ITPK1: variants seen among roughly 807,000 people sequenced by gnomAD.
ITPK1 encodes inositol 1,3,4-trisphosphate 5/6-kinase.
In ITPK1, 21 loss-of-function variants were observed where a neutral mutation model predicts 45.3. That is an observed-to-expected ratio of 0.46 (90% CI 0.33 to 0.67). The LOEUF (loss-of-function observed/expected upper bound fraction) is 0.67, where lower values mean the gene tolerates loss of function less well. Ranked by LOEUF, ITPK1 falls within the 30% of genes least tolerant of loss-of-function variation. The probability of loss-of-function intolerance (pLI) is 0.02; values close to 1 mark genes in which losing one functional copy is unlikely to be tolerated. For missense variants in ITPK1, 474 were observed against 573.5 expected (o/e 0.83, Z 1.77); for synonymous variants, 258 against 253.6 (o/e 1.02, Z -0.16).
chr14:93,009,482 C>A (rs562228517), intron 4 of ITPK1, among the ~76,000 whole-genome samples: 6 of 152,286 alleles, frequency 3.9e-5, no homozygotes, highest in African/African-American at 1.4e-4. Context: ...TCCTGGGGAC[C>A]AGGCTTGCTT....
In ITPK1 at chr14:93,012,287, A is replaced by C. The variant is rs934339426; in HGVS notation, c.246+4389T>G. 1.3e-5 allele frequency among the ~76,000 whole-genome samples: 2 copies of C among 152,240 alleles called. No homozygotes were observed. The highest frequency in any genetic ancestry group is 2.9e-5 in the Non-Finnish European group (2 of 68,040). On this transcript the variant is annotated intron_variant, in intron 4 of 10. Coordinates refer to ENST00000267615, the MANE Select transcript of ITPK1 (RefSeq NM_014216.6). This position sits in a 1 kb window ranked among gnomAD's most constrained non-coding sequence, Gnocchi z 4.9. The stretch of plus-strand genomic sequence containing the variant: ...ACGAACTTCCGAAGGGCATGAAGGA[A>C]AAGTGCAAAGTTGGCAGGGCCTGGG...
intron 8 of ITPK1, among the ~76,000 whole-genome samples, chr14:92,953,667 G>C (rs887164196): frequency 6.6e-6 from 1 of 152,218 alleles, no homozygotes; most frequent in Non-Finnish European, 1.5e-5. Context: ...ACCAAGCGCA[G>C]GTAGACACAG....
intron 10 of ITPK1, 56 bp downstream of exon 10, chr14:92,946,274 TC>T: frequency 6.3e-7 from 1 of 1,588,048 alleles, no homozygotes; most frequent in Admixed American, 1.7e-5. Context: ...ACCTGCCTGG[TC>T]ACCTGAGGAC....
chr14:93,027,526 T>A (rs1472686210), intron 3 of ITPK1, among the ~76,000 whole-genome samples: 1 of 152,076 alleles, frequency 6.6e-6, no homozygotes, highest in Non-Finnish European at 1.5e-5. Flanking sequence ...CAGCTAATGA[T>A]GAAGGAGCTG....
At chr14:93,055,062 A>G (rs190129146) in intron 3 of ITPK1, among the ~76,000 whole-genome samples, 3 of 152,248 alleles carry the variant, frequency 2.0e-5, no homozygotes, top group Admixed American at 1.3e-4. Flanking sequence ...TGTAAATGGA[A>G]TCAGACACTG....
At chr14:93,023,340 C>T (rs151335440) in intron 3 of ITPK1, among the ~76,000 whole-genome samples, 1 of 152,330 alleles carries the variant, frequency 6.6e-6, no homozygotes, top group Admixed American at 6.5e-5. Flanking sequence ...CTCCAGAGCC[C>T]TCTCTCCCCT....
chr14:92,944,861 C>T (rs1268715407), intron 10 of ITPK1, among the ~76,000 whole-genome samples: 2 of 152,208 alleles, frequency 1.3e-5, no homozygotes, highest in Non-Finnish European at 2.9e-5. Flanking sequence ...GATCGTCGCA[C>T]GGGTCTGCCC....
At chr14:92,946,269 C>T in intron 10 of ITPK1, 62 bp downstream of exon 10, 1 of 1,582,150 alleles carries the variant, frequency 6.3e-7, no homozygotes, top group Non-Finnish European at 8.6e-7. Context: ...GCCTCACCTG[C>T]CTGGTCACCT....
chr14:92,969,213 C>T (rs1285614249), intron 5 of ITPK1, among the ~76,000 whole-genome samples: 1 of 152,194 alleles, frequency 6.6e-6, no homozygotes, highest in Non-Finnish European at 1.5e-5. Flanking sequence ...AGAGGCATCC[C>T]TGTCCTCGAG....
chr14:92,992,114 C>T (rs1274661856), intron 5 of ITPK1, among the ~76,000 whole-genome samples: 3 of 152,208 alleles, frequency 2.0e-5, no homozygotes, highest in Non-Finnish European at 4.4e-5. Context: ...GGCACCTCCT[C>T]GAATCCCACC....
rs770382364 is a variant in ITPK1, at chr14:92,962,767, G to C, written c.447C>G (p.Gly149=). 6.2e-7 allele frequency: 1 copy of C among 1,613,530 alleles called. No individual in the cohort carries two copies. The highest frequency in any genetic ancestry group is 8.5e-7 in the Non-Finnish European group (1 of 1,179,476). The part of the protein sequence containing the change: ...DDTMRLLEKN[G]LTFPFICKTR... ...GGTACGCACTGAATGGGAAAGTCAA[G>C]CCGTTCTTCTCCAGCAGCCGCATGG... The change falls in exon 6 of 11, where the codon GGC becomes GGG. Residue 149 remains glycine, a synonymous_variant. Transcript: ENST00000267615.
chr14:93,094,544 T>C (rs1312752477), intron 2 of ITPK1, among the ~76,000 whole-genome samples: 1 of 152,062 alleles, frequency 6.6e-6, no homozygotes, highest in Non-Finnish European at 1.5e-5. Context: ...AGACACAGAC[T>C]CCTCATCTCC....
chr14:92,972,593 T>C (rs1885717355), intron 5 of ITPK1, among the ~76,000 whole-genome samples: 1 of 152,152 alleles, frequency 6.6e-6, no homozygotes, highest in Admixed American at 6.5e-5. Context: ...GTTTGTTTGT[T>C]TATTTGTTTT....
Position 93,088,341 on chromosome 14 carries a change from G to GT in ITPK1, c.96-11723dup, listed in dbSNP as rs1179019290. On this transcript the variant is annotated intron_variant, in intron 2 of 10. Transcript: ENST00000267615. ...ATCTTTTCTTTTTTGGTTTTGTTTTGTTTTTTTTTTTTTTTTGAGACAGGG... is the reference window on the plus strand; with the variant it reads ...ATCTTTTCTTTTTTGGTTTTGTTTTGTTTTTTTTTTTTTTTTTGAGACAGGG... 8.0e-3 allele frequency among the ~76,000 whole-genome samples: 1,067 copies of GT among 132,652 alleles called. 15 individuals are homozygous for GT. Among genetic ancestry groups the GT allele is most frequent in the African/African-American group, 0.018 (651 of 35,456 alleles). The allele number at this position is 132,652 out of a possible 152,430, so 87.0% of individuals were successfully genotyped here.
chr14:93,040,439 T>A (rs891461302), intron 3 of ITPK1, among the ~76,000 whole-genome samples: 10 of 152,132 alleles, frequency 6.6e-5, no homozygotes, highest in Non-Finnish European at 1.5e-5. Flanking sequence ...GCAGAGGCCC[T>A]CACCACCAAC....
intron 9 of ITPK1, 146 bp downstream of exon 9, chr14:92,951,800 T>TGTGGCATGTGGG: frequency 3.1e-6 from 2 of 650,932 alleles, no homozygotes; most frequent in Non-Finnish European, 2.7e-6. Context: ...CTCTGGAACC[T>TGTGGCATGTGGG]CCTGGGGCCT....
chr14:92,956,917 T>G (rs1566694909), intron 8 of ITPK1, among the ~76,000 whole-genome samples: 1 of 152,204 alleles, frequency 6.6e-6, no homozygotes, highest in Non-Finnish European at 1.5e-5. Context: ...GGGACCATGA[T>G]GTCCCAAACC....
chr14:93,090,225 C>A (rs948927334), intron 2 of ITPK1, among the ~76,000 whole-genome samples: 3 of 152,148 alleles, frequency 2.0e-5, no homozygotes, highest in African/African-American at 7.2e-5. Context: ...TCCTGCCGTG[C>A]CCCACAGGTC....
intron 4 of ITPK1, among the ~76,000 whole-genome samples, chr14:93,009,958 G>A (rs185580457): frequency 4.0e-4 from 61 of 152,248 alleles, no homozygotes; most frequent in Non-Finnish European, 1.6e-4. Flanking sequence ...TCCCCGGGCC[G>A]CAGTTGTCTC....
Sources: gnomAD v4.1 joint callset for allele counts (sites outside exome capture counted in the v4.1 genomes callset) on GRCh38, gnomAD v4.1.1 for gene constraint, Gnocchi (gnomAD v3.1) non-coding constraint, MANE v1.5 for transcripts, NCBI Gene and HGNC (gene_info 2026-07-23, HGNC 2026-07-21) for gene names.